The following SEMA3A variants were observed in gnomAD, a reference collection of about 807,000 sequenced individuals.
SEMA3A encodes the protein semaphorin-3A.
SEMA3A carries 29 observed loss-of-function variants against 97.9 expected under a neutral mutation model. The observed-to-expected ratio is 0.30, with a 90% CI of 0.22 to 0.40. The LOEUF (loss-of-function observed/expected upper bound fraction) is 0.40. SEMA3A is among the 10% of genes least tolerant of loss of function. The pLI is 1.00. For synonymous variants in SEMA3A, 321 were observed against 323.7 expected, an observed-to-expected ratio of 0.99 and a Z score of 0.09; for missense variants, 763 against 951.3, an observed-to-expected ratio of 0.80 and a Z score of 2.60.
At chr7:84,396,375 T>C (rs2116192852) in intron 1 of SEMA3A, among the ~76,000 whole-genome samples, 1 of 151,780 alleles carries the variant, frequency 6.6e-6, no homozygotes, top group East Asian at 1.9e-4. Context: ...GTAACTATAG[T>C]CGTATAGTAA....
chr7:84,135,711 C>T (rs938036070), intron 1 of SEMA3A, among the ~76,000 whole-genome samples: 6 of 152,084 alleles, frequency 3.9e-5, no homozygotes, highest in East Asian at 1.9e-4. Context: ...TTCCTTGAGG[C>T]CTCTTTTATT....
chr7:84,422,784 T>C (rs747673995), intron 1 of SEMA3A, among the ~76,000 whole-genome samples: 9 of 152,096 alleles, frequency 5.9e-5, no homozygotes, highest in Non-Finnish European at 1.3e-4. Flanking sequence ...CCAGTAGTCA[T>C]TCAGGAGCAG....
In SEMA3A at chr7:83,961,837, A is replaced by G; in HGVS notation, c.1861-11T>C. ...ATCATCCACTCTGATCTAGCAGGTT[A>G]AAAAAAAGGCAGTGTAAAATATACA... On this transcript the variant is annotated splice_polypyrimidine_tract_variant and intron_variant, in intron 16 of 16. Coordinates refer to ENST00000265362, the MANE Select transcript of SEMA3A (RefSeq NM_006080.3). 6.4e-7 allele frequency: 1 copy of G among 1,566,088 alleles called. No individual in the cohort carries two copies. Among genetic ancestry groups the G allele is most frequent in the Non-Finnish European group, 8.7e-7 (1 of 1,146,252 alleles).
At chr7:84,089,806 TTTA>T (rs1213134461) in intron 4 of SEMA3A, among the ~76,000 whole-genome samples, 1 of 134,626 alleles carries the variant, frequency 7.4e-6, no homozygotes, top group African/African-American at 2.5e-5. Flanking sequence ...TATACCTAGA[TTTA>T]TTATTAACTG....
intron 1 of SEMA3A, among the ~76,000 whole-genome samples, chr7:84,452,195 G>C (rs1459679215): frequency 1.3e-5 from 2 of 151,948 alleles, no homozygotes; most frequent in Admixed American, 6.6e-5. Context: ...TTCAGTGTTT[G>C]GCAAAACAGA....
intron 2 of SEMA3A, among the ~76,000 whole-genome samples, chr7:84,337,352 A>G (rs1011173806): frequency 6.6e-6 from 1 of 152,182 alleles, no homozygotes; most frequent in Non-Finnish European, 1.5e-5. Flanking sequence ...CAAAAAATGC[A>G]CAGAGATCCA....
At chr7:84,479,183 G>A (rs1806377995) in intron 1 of SEMA3A, among the ~76,000 whole-genome samples, 1 of 152,092 alleles carries the variant, frequency 6.6e-6, no homozygotes, top group Admixed American at 6.5e-5. Flanking sequence ...GTCTGCTTTG[G>A]GGGATTGTAA....
At chr7:84,067,298 T>A (rs892444777) in intron 4 of SEMA3A, among the ~76,000 whole-genome samples, 65 of 152,014 alleles carry the variant, frequency 4.3e-4, no homozygotes, top group African/African-American at 1.5e-3. Flanking sequence ...CTTAAACGTT[T>A]GACCTAAAAC....
chr7:84,420,693 T>C lies in SEMA3A; in HGVS notation c.-245-48793A>G, dbSNP rs373754991. On this transcript the variant is annotated intron_variant, in intron 1 of 3. Coordinates refer to the SEMA3A transcript ENST00000424555. Reference sequence around the variant, plus strand: ...TGAGAAACATTACAAGCATATCATTTAAAGTCTATGATTTAAAGTCTTGGG... The same window carrying C: ...TGAGAAACATTACAAGCATATCATTCAAAGTCTATGATTTAAAGTCTTGGG... Among the ~76,000 whole-genome samples, 10 of 152,172 alleles carry C rather than the reference T, an allele frequency of 6.6e-5. 2 individuals carry two copies. The highest frequency in any genetic ancestry group is 6.6e-5 in the Admixed American group (1 of 15,244).
exon 3 of SEMA3A, chr7:84,307,260 T>TG (rs1024343075): frequency 1.3e-5 from 2 of 152,130 alleles, no homozygotes; most frequent in Non-Finnish European, 2.9e-5. Context: ...CAGTCCAACT[T>TG]GTTATTGTAA....
chr7:84,490,270 T>C (rs572874342), intron 1 of SEMA3A, among the ~76,000 whole-genome samples: 1 of 151,946 alleles, frequency 6.6e-6, no homozygotes, highest in South Asian at 2.1e-4. Context: ...TCTTTGAGGT[T>C]GTCACTAGGA....
intron 3 of SEMA3A, among the ~76,000 whole-genome samples, chr7:84,258,348 T>C (rs1206446357): frequency 6.6e-6 from 1 of 152,170 alleles, no homozygotes; most frequent in Non-Finnish European, 1.5e-5. Context: ...TATTCATGGA[T>C]GGATGTTTAG....
chr7:84,326,691 T>C (rs1801782967), intron 2 of SEMA3A, among the ~76,000 whole-genome samples: 1 of 152,024 alleles, frequency 6.6e-6, no homozygotes, highest in Non-Finnish European at 1.5e-5. Flanking sequence ...TTTAAAATGA[T>C]AGCTTGTCTG....
At chr7:84,073,776 A>T (rs1322071456) in intron 4 of SEMA3A, among the ~76,000 whole-genome samples, 1 of 151,448 alleles carries the variant, frequency 6.6e-6, no homozygotes. Context: ...TGGTCAAGTC[A>T]CTTAGCTTCT....
At chr7:84,114,407 T>G (rs542910516) in intron 3 of SEMA3A, among the ~76,000 whole-genome samples, 2 of 152,190 alleles carry the variant, frequency 1.3e-5, no homozygotes, top group African/African-American at 2.4e-5. Flanking sequence ...CCAAAATGAA[T>G]GGGTAGCATA....
At chr7:84,372,298 C>T (rs1802994583) in intron 1 of SEMA3A, 1 of 152,108 alleles carries the variant, frequency 6.6e-6, no homozygotes, top group Non-Finnish European at 1.5e-5. Flanking sequence ...CTGTGACTCC[C>T]TCCTTTAATT....
intron 1 of SEMA3A, among the ~76,000 whole-genome samples, chr7:84,141,032 C>T (rs10488270): frequency 4.6e-5 from 7 of 152,094 alleles, no homozygotes; most frequent in South Asian, 4.1e-4. Context: ...TTTTATTACA[C>T]GCAAGATTAG....
rs530859731 is a variant in SEMA3A, at chr7:84,374,446, T to C, written c.-245-2546A>G. 2.6e-5 allele frequency among the ~76,000 whole-genome samples: 4 copies of C among 152,290 alleles called. No individual in the cohort carries two copies. The East Asian group carries it at 7.7e-4, about 29-fold the overall frequency. On this transcript the variant is annotated intron_variant, in intron 1 of 3. Transcript: ENST00000424555. ...ATTAAACACATATCTTTCATACACT[T>C]ACATTTTATGAATTGATGTGTGTGT...
intron 1 of SEMA3A, among the ~76,000 whole-genome samples, chr7:84,171,000 A>G (rs1009499475): frequency 2.6e-5 from 4 of 152,060 alleles, no homozygotes; most frequent in East Asian, 1.9e-4. Context: ...GAACAGCTCA[A>G]TTTTGCTCAT....
Sources: allele counts gnomAD v4.1 joint callset (sites outside exome capture counted in the v4.1 genomes callset), GRCh38; gene constraint gnomAD v4.1.1; transcripts MANE v1.5; gene names NCBI Gene and HGNC (gene_info 2026-07-23, HGNC 2026-07-21).